The following RPGRIP1L variants were observed in gnomAD, a reference collection of about 807,000 sequenced individuals.
The protein encoded by RPGRIP1L is protein fantom.
Under a neutral mutation model 160.4 loss-of-function variants are expected in RPGRIP1L, and 131 were observed. The ratio of observed to expected loss-of-function variants is 0.82; its 90% confidence interval spans 0.71 to 0.94. RPGRIP1L has a LOEUF of 0.94. Among genes scored for constraint, RPGRIP1L ranks in the 40% least tolerant of loss-of-function variants. The pLI is 0.00. For synonymous variants in RPGRIP1L, 510 were observed against 515.8 expected (o/e 0.99, Z 0.15); for missense variants, 1,522 against 1,535.8 (o/e 0.99, Z 0.15).
At chr16:53,666,944 T>C (rs572981150) in intron 9 of RPGRIP1L, among the ~76,000 whole-genome samples, 1 of 152,292 alleles carries the variant, frequency 6.6e-6, no homozygotes, top group Non-Finnish European at 1.5e-5. Flanking sequence ...TGGAGTTTCA[T>C]GAGAAATTCC....
At chr16:53,685,634 TTAAG>T (rs1159265406) in intron 6 of RPGRIP1L, among the ~76,000 whole-genome samples, 2 of 151,930 alleles carry the variant, frequency 1.3e-5, no homozygotes, top group Non-Finnish European at 2.9e-5. Context: ...TGTTCTCACT[TTAAG>T]TGAGAGCTAA....
intron 3 of RPGRIP1L, chr16:53,695,086 GT>G (rs1267497487): frequency 1.5e-5 from 7 of 461,600 alleles, no homozygotes; most frequent in Admixed American, 7.4e-5. Context: ...TTATTCAGTT[GT>G]TTTTTATTTT....
rs555953037 is a variant in RPGRIP1L, at chr16:53,675,220, TAGA to T, written c.777-101_777-99del. ...TCACAATTTTTCAACTAATGTTACATAGAAAATATTTATATACTTGTACATCAG... is the reference window on the plus strand; with the variant it reads ...TCACAATTTTTCAACTAATGTTACATAAATATTTATATACTTGTACATCAG... On this transcript the variant is annotated intron_variant, in intron 6 of 26. Coordinates refer to ENST00000647211, the MANE Select transcript of RPGRIP1L (RefSeq NM_015272.5). The T allele has an allele frequency of 2.8e-4, 212 of 744,336 alleles. No individual in the cohort carries two copies. In the South Asian group the frequency reaches 3.1e-3, roughly 11 times the overall value. 46.1% of individuals were successfully genotyped at this position (744,336 alleles called of 1,614,324 possible).
chr16:53,652,550 T>C lies in RPGRIP1L; in HGVS notation c.2137A>G (p.Thr713Ala), dbSNP rs1486084514. The change falls in exon 15 of 27, where the codon ACA becomes GCA. Residue 713 changes from threonine (T) to alanine (A), a missense_variant. Physicochemically the swap from Thr to Ala is moderately conservative, Grantham distance 58 (BLOSUM62 0). Coordinates refer to ENST00000647211, the MANE Select transcript of RPGRIP1L (RefSeq NM_015272.5). ...ILEKSGRIFC[T>A]ASLIGTKGDI... ...TTGTACTTACCAATCAAACTTGCTG[T>C]ACAAAATATTCGGCCGCTTTTTTCA... The C allele has an allele frequency of 2.5e-6, 4 of 1,613,568 alleles. No homozygotes were observed. Among genetic ancestry groups the C allele is most frequent in the Non-Finnish European group, 1.7e-6 (2 of 1,179,622 alleles).
intron 25 of RPGRIP1L, among the ~76,000 whole-genome samples, chr16:53,606,968 C>T (rs1235767850): frequency 2.0e-5 from 3 of 152,086 alleles, no homozygotes; most frequent in East Asian, 1.9e-4. Flanking sequence ...TCAAAGTTAA[C>T]GCCTACTCAC....
At chr16:53,639,354 C>T (rs1966058521) in intron 19 of RPGRIP1L, among the ~76,000 whole-genome samples, 1 of 151,814 alleles carries the variant, frequency 6.6e-6, no homozygotes, top group Admixed American at 6.6e-5. Flanking sequence ...ACAATAATAA[C>T]TGCATTATAA....
At chr16:53,608,733 C>G (rs1963838442) in intron 25 of RPGRIP1L, among the ~76,000 whole-genome samples, 1 of 152,186 alleles carries the variant, frequency 6.6e-6, no homozygotes, top group South Asian at 2.1e-4. Context: ...AATGGATTCT[C>G]ATAAACTAGG....
intron 18 of RPGRIP1L, 26 bp downstream of exon 18, chr16:53,641,259 A>G (rs1966200748): frequency 1.2e-6 from 2 of 1,607,464 alleles, no homozygotes; most frequent in Non-Finnish European, 1.7e-6. Context: ...ATACTTGTAA[A>G]AAAATTAAAA....
At chr16:53,662,225 G>C (rs1391210676) in intron 10 of RPGRIP1L, among the ~76,000 whole-genome samples, 3 of 152,086 alleles carry the variant, frequency 2.0e-5, no homozygotes, top group Non-Finnish European at 2.9e-5. Context: ...GAGCGCCTTT[G>C]TGCTAATATC....
chr16:53,690,999 C>A lies in RPGRIP1L; in HGVS notation c.529+1067G>T, dbSNP rs554953801. 2.6e-5 allele frequency among the ~76,000 whole-genome samples: 4 copies of A among 152,178 alleles called. No homozygotes were observed. In the East Asian group the frequency reaches 7.7e-4, roughly 29 times the overall value. Reference sequence around the variant, plus strand: ...CAGCTGCCTCCTGCCTGTGTGGAGGCCTTATTGACTTCAAAGGAACTCTAT... The same window carrying A: ...CAGCTGCCTCCTGCCTGTGTGGAGGACTTATTGACTTCAAAGGAACTCTAT... On this transcript the variant is annotated intron_variant, in intron 4 of 26. Coordinates refer to ENST00000647211, the MANE Select transcript of RPGRIP1L (RefSeq NM_015272.5).
In RPGRIP1L at chr16:53,645,674, T is replaced by C; in HGVS notation, c.2634A>G (p.Gly878=). 1 of 1,614,066 alleles carries C rather than the reference T, an allele frequency of 6.2e-7. No individual in the cohort carries two copies. Among genetic ancestry groups the C allele is most frequent in the Non-Finnish European group, 8.5e-7 (1 of 1,179,968 alleles). Residue 878 remains glycine, a synonymous_variant, in exon 17 of 27, where the codon GGA becomes GGG. Transcript: ENST00000647211. ...DSDTQENIYI[G]KVNVPLISLA... The stretch of plus-strand genomic sequence containing the variant: ...ACGAAATCAGAGGCACATTGACTTT[T>C]CCTATGTAAATATTCTCCTGGGTAT...
chr16:53,680,932 G>A (rs1032232978), intron 6 of RPGRIP1L, among the ~76,000 whole-genome samples: 2 of 152,266 alleles, frequency 1.3e-5, no homozygotes, highest in East Asian at 1.9e-4. Flanking sequence ...AGAGCAGGCC[G>A]AGTGCAAAAA....
intron 22 of RPGRIP1L, chr16:53,628,586 C>T (rs1399151190): frequency 1.3e-5 from 2 of 152,192 alleles, no homozygotes; most frequent in East Asian, 3.9e-4. Flanking sequence ...TTTATTTTAA[C>T]AACTGTTGAT....
chr16:53,699,724 A>G (rs1971220713), intron 2 of RPGRIP1L, among the ~76,000 whole-genome samples: 1 of 151,236 alleles, frequency 6.6e-6, no homozygotes, highest in South Asian at 2.1e-4. Context: ...AGGCTGAGGC[A>G]GGAGAATCGC....
chr16:53,613,506 G>A (rs754698621), intron 24 of RPGRIP1L, among the ~76,000 whole-genome samples: 1 of 151,960 alleles, frequency 6.6e-6, no homozygotes, highest in African/African-American at 2.4e-5. Flanking sequence ...TTGTAGAGAT[G>A]GAGTCTCACT....
At chr16:53,667,922 G>A (rs948025304) in intron 9 of RPGRIP1L, among the ~76,000 whole-genome samples, 6 of 151,910 alleles carry the variant, frequency 3.9e-5, no homozygotes, top group Admixed American at 3.9e-4. Flanking sequence ...GACAGGTCTT[G>A]TGGCACATGC....
At chr16:53,687,727 G>T (rs943243269) in intron 5 of RPGRIP1L, 136 bp downstream of exon 5, 14 of 659,602 alleles carry the variant, frequency 2.1e-5, no homozygotes, top group African/African-American at 3.6e-5. Flanking sequence ...TATAACATCT[G>T]TTGTTACCCT....
chr16:53,633,490 T>C (rs1472859710), intron 22 of RPGRIP1L, among the ~76,000 whole-genome samples: 1 of 152,158 alleles, frequency 6.6e-6, no homozygotes, highest in Non-Finnish European at 1.5e-5. Context: ...TAATGCAGGC[T>C]AAAGAGGCAT....
At chr16:53,653,045 A>C in intron 14 of RPGRIP1L, 58 bp from the exon 15 acceptor site, 1 of 1,453,418 alleles carries the variant, frequency 6.9e-7, no homozygotes, top group Non-Finnish European at 9.6e-7. Flanking sequence ...GAAAATGAAA[A>C]CTGGCTTTTG....
Sources: allele counts gnomAD v4.1 joint callset (sites outside exome capture counted in the v4.1 genomes callset), GRCh38; gene constraint gnomAD v4.1.1; transcripts MANE v1.5; gene names NCBI Gene and HGNC (gene_info 2026-07-23, HGNC 2026-07-21).